SRP19: variants seen among roughly 807,000 people sequenced by gnomAD.
SRP19 encodes signal recognition particle 19, also known as signal recognition particle 19 kDa protein.
Under a neutral mutation model 22.4 loss-of-function variants are expected in SRP19, and 11 were observed. The observed-to-expected ratio is 0.49, with a 90% CI of 0.31 to 0.81. The LOEUF (loss-of-function observed/expected upper bound fraction) is 0.81. Among genes scored for constraint, SRP19 ranks in the 40% least tolerant of loss-of-function variants. The pLI, the probability that SRP19 is intolerant of heterozygous loss-of-function variation, is 0.05. For synonymous variants in SRP19, 61 were observed against 57.6 expected, an observed-to-expected ratio of 1.06 and a Z score of -0.27; for missense variants, 168 against 175.9, an observed-to-expected ratio of 0.96 and a Z score of 0.25.
At chr5:112,863,418 G>T (rs1459208392) in intron 2 of SRP19, among the ~76,000 whole-genome samples, 1 of 152,110 alleles carries the variant, frequency 6.6e-6, no homozygotes. Flanking sequence ...GTTGGGGGTT[G>T]TTCTGTGCAT....
exon 4 of SRP19, chr5:112,898,313 C>G (rs1394563523): frequency 6.6e-6 from 1 of 152,152 alleles, no homozygotes; most frequent in Non-Finnish European, 1.5e-5. Context: ...AATGTTTAAT[C>G]CTTTCAAGTA....
At position 112,864,479 on chromosome 5, in the gene SRP19, C is replaced by T; in HGVS notation, c.140C>T (p.Thr47Ile). 1.2e-6 allele frequency: 2 copies of T among 1,613,692 alleles called. No homozygotes were observed. Among genetic ancestry groups the T allele is most frequent in the Non-Finnish European group, 1.7e-6 (2 of 1,179,980 alleles). The change falls in exon 3 of 5, where the codon ACA becomes ATA. Residue 47 changes from threonine (T) to isoleucine (I), a missense_variant. Coordinates refer to ENST00000505459, the MANE Select transcript of SRP19 (RefSeq NM_003135.3). ...CAGGCTGTTGAAAATCCTACAGCTA[C>T]AGAGATTCAAGATGTATGTTCAGCA... ...ISKAVENPTA[T>I]EIQDVCSAVG...
chr5:112,862,736 T>C (rs1042847767), intron 2 of SRP19, among the ~76,000 whole-genome samples, 153 bp downstream of exon 2: 4 of 152,194 alleles, frequency 2.6e-5, no homozygotes, highest in African/African-American at 9.7e-5. Context: ...CGTTCCTCAG[T>C]GTTGGTGAAA....
downstream of SRP19, chr5:112,895,819 T>C (rs1768664293): frequency 6.6e-6 from 1 of 152,206 alleles, no homozygotes; most frequent in Non-Finnish European, 1.5e-5. Flanking sequence ...ATCTGGCTCT[T>C]TTCAATCAAG....
At chr5:112,864,030 C>T (rs1233410085) in intron 2 of SRP19, among the ~76,000 whole-genome samples, 1 of 152,048 alleles carries the variant, frequency 6.6e-6, no homozygotes, top group Non-Finnish European at 1.5e-5. Flanking sequence ...CATATTTTTG[C>T]TTTTTTGTAG....
At chr5:112,891,909 A>C in exon 5 of SRP19, 1 of 1,313,128 alleles carries the variant, frequency 7.6e-7, no homozygotes. Flanking sequence ...CACAAGAAGA[A>C]TTCAGAATAA....
chr5:112,864,433 G>C (rs62623577), intron 2 of SRP19, 24 bp from the exon 3 acceptor site: 17,561 of 1,596,554 alleles, frequency 0.011, 127 homozygotes, highest in South Asian at 0.016. Context: ...CATATATTTA[G>C]TGTTTATGTT....
At chr5:112,896,260 C>G (rs1006766391), downstream of SRP19, 62 of 152,640 alleles carry the variant, frequency 4.1e-4, no homozygotes, top group African/African-American at 1.5e-3. Context: ...TGGCTTACGC[C>G]TGTAATCCTA....
rs1678449739 is a variant in SRP19, at chr5:112,869,371, A to G, written c.*1834A>G. On this transcript the variant is annotated 3_prime_UTR_variant, in exon 5 of 5. Transcript: ENST00000505459. ...CCAAGTAGCTGAGACCATAGGCATG[A>G]GATTTCTCAAAATTCCTCCCAGCAG... 1 of 152,174 alleles carries G rather than the reference A, an allele frequency of 6.6e-6. No individual in the cohort carries two copies. Among genetic ancestry groups the G allele is most frequent in the Admixed American group, 6.5e-5 (1 of 15,276 alleles). 9.4% of individuals were successfully genotyped at this position (152,174 alleles called of 1,614,324 possible).
chr5:112,869,165 G>A lies in SRP19; in HGVS notation c.*1628G>A, dbSNP rs1001172376. 2.0e-5 allele frequency: 3 copies of A among 152,172 alleles called. No homozygotes were observed. The highest frequency in any genetic ancestry group is 4.4e-5 in the Non-Finnish European group (3 of 68,034). 9.4% of individuals were successfully genotyped at this position (152,172 alleles called of 1,614,324 possible). On this transcript the variant is annotated 3_prime_UTR_variant, in exon 5 of 5. Transcript: ENST00000505459. ...CCAAGTGAGGTTGCTGTGGTGGTTGGTTTAGCTCTCAGTGATGCCTTTTTT... is the reference window on the plus strand; with the variant it reads ...CCAAGTGAGGTTGCTGTGGTGGTTGATTTAGCTCTCAGTGATGCCTTTTTT...
chr5:112,882,610 C>G (rs1433531903), intron 4 of SRP19, among the ~76,000 whole-genome samples: 1 of 152,314 alleles, frequency 6.6e-6, no homozygotes, highest in East Asian at 1.9e-4. Flanking sequence ...GCCTGACAGT[C>G]CATTTACTCT....
chr5:112,892,110 A>G, exon 5 of SRP19: 1 of 1,614,094 alleles, frequency 6.2e-7, no homozygotes, highest in South Asian at 1.1e-5. Context: ...ATAGTACCAC[A>G]TGGCAAAACC....
intron 4 of SRP19, among the ~76,000 whole-genome samples, chr5:112,879,719 G>A (rs1244403715): frequency 6.6e-6 from 1 of 151,952 alleles, no homozygotes; most frequent in Non-Finnish European, 1.5e-5. Flanking sequence ...CTCGTGATCT[G>A]CCCGCCTTGG....
chr5:112,867,733 G>A lies in SRP19; in HGVS notation c.*196G>A, dbSNP rs913669159. 1.2e-4 allele frequency: 158 copies of A among 1,276,618 alleles called. 2 individuals are homozygous for A. The highest frequency in any genetic ancestry group is 3.7e-5 in the Admixed American group (1 of 27,276). 79.1% of individuals were successfully genotyped at this position (1,276,618 alleles called of 1,614,324 possible). A position where few individuals can be genotyped will look rare whatever the true frequency, so the allele number is the denominator to read the frequency against. On this transcript the variant is annotated 3_prime_UTR_variant, in exon 5 of 5. Transcript: ENST00000505459. ...GAAGTTTGCATCTCGCGTATATGCCGTATAAAAGAATTTTTTTGTCTTTCA... is the reference window on the plus strand; with the variant it reads ...GAAGTTTGCATCTCGCGTATATGCCATATAAAAGAATTTTTTTGTCTTTCA...
downstream of SRP19, among the ~76,000 whole-genome samples, chr5:112,871,101 C>T (rs889518957): frequency 1.3e-5 from 2 of 152,068 alleles, no homozygotes; most frequent in Non-Finnish European, 2.9e-5. Context: ...ATACACCACG[C>T]CCAGCCAATT....
At chr5:112,876,022 A>G (rs1193853538) in intron 4 of SRP19, among the ~76,000 whole-genome samples, 4 of 140,378 alleles carry the variant, frequency 2.8e-5, no homozygotes, top group East Asian at 2.3e-4. Flanking sequence ...TGACAGAGCA[A>G]GACTCCATCT....
downstream of SRP19, among the ~76,000 whole-genome samples, chr5:112,869,977 C>T (rs552372822): frequency 6.6e-6 from 1 of 152,166 alleles, no homozygotes; most frequent in African/African-American, 2.4e-5. Flanking sequence ...ATAAATTGGA[C>T]ACAGTAACAG....
At chr5:112,861,772 G>C (rs569311074) in intron 1 of SRP19, among the ~76,000 whole-genome samples, 86 of 152,296 alleles carry the variant, frequency 5.6e-4, no homozygotes, top group African/African-American at 2.0e-3. Context: ...GAAATTTTAA[G>C]GTTTTTAATA....
Position 112,867,943 on chromosome 5 carries a change from G to C in SRP19, c.*406G>C, listed in dbSNP as rs1374143881. ...TTTTGCTTATATACTAATGCTAGGA[G>C]AGGAGGGATAATTAAGAATAAAATA... is the stretch of plus-strand genomic sequence containing the variant. On this transcript the variant is annotated 3_prime_UTR_variant, in exon 5 of 5. Transcript: ENST00000505459. 1.0e-6 allele frequency: 1 copy of C among 988,162 alleles called. No individual in the cohort carries two copies. Among genetic ancestry groups the C allele is most frequent in the East Asian group, 1.1e-4 (1 of 8,908 alleles). The allele number at this position is 988,162 out of a possible 1,614,324, so 61.2% of individuals were successfully genotyped here.
Sources: gnomAD v4.1 joint callset for allele counts (sites outside exome capture counted in the v4.1 genomes callset) on GRCh38, gnomAD v4.1.1 for gene constraint, MANE v1.5 for transcripts, NCBI Gene and HGNC (gene_info 2026-07-23, HGNC 2026-07-21) for gene names.